ZCWPW1: variants seen among roughly 807,000 people sequenced by gnomAD.
The protein encoded by ZCWPW1 is zinc finger CW-type and PWWP domain containing 1.
Under a neutral mutation model 81.3 loss-of-function variants are expected in ZCWPW1, and 56 were observed. The observed-to-expected ratio is 0.69, with a 90% confidence interval of 0.56 to 0.86. The LOEUF (loss-of-function observed/expected upper bound fraction) is 0.86, where lower values mean the gene tolerates loss of function less well. Ranked by LOEUF, ZCWPW1 falls within the 40% of genes least tolerant of loss-of-function variation. The pLI, the probability that ZCWPW1 is intolerant of heterozygous loss-of-function variation, is 0.00. For synonymous variants in ZCWPW1, 250 were observed against 273.7 expected (o/e 0.91, Z 0.86); for missense variants, 650 against 769.8 (o/e 0.84, Z 1.84).
chr7:100,409,388 AC>A (rs748927261), intron 9 of ZCWPW1, 39 bp downstream of exon 9: 18 of 1,461,328 alleles, frequency 1.2e-5, no homozygotes, highest in Non-Finnish European at 1.6e-5. Context: ...AAAGGGAGGA[AC>A]AATAAAACAT....
At chr7:100,418,592 A>C (rs1236861738) in intron 5 of ZCWPW1, 1 of 152,434 alleles carries the variant, frequency 6.6e-6, no homozygotes, top group Non-Finnish European at 1.5e-5. Flanking sequence ...AGAGTTCGAG[A>C]CCAGCCTGGC....
chr7:100,421,547 T>C (rs866761457), intron 2 of ZCWPW1, among the ~76,000 whole-genome samples: 2 of 152,224 alleles, frequency 1.3e-5, no homozygotes, highest in East Asian at 1.9e-4. Flanking sequence ...TCAGAAGTAT[T>C]TGATAACCAG....
At chr7:100,426,467 G>C (rs1797354925) in intron 1 of ZCWPW1, among the ~76,000 whole-genome samples, 1 of 148,786 alleles carries the variant, frequency 6.7e-6, no homozygotes, top group Non-Finnish European at 1.5e-5. Context: ...ACTCCAGCCT[G>C]GGCAAAATGA....
At chr7:100,420,546 C>G in intron 3 of ZCWPW1, 76 bp downstream of exon 3, 1 of 1,584,228 alleles carries the variant, frequency 6.3e-7, no homozygotes, top group Non-Finnish European at 8.7e-7. Flanking sequence ...CCGTACCATC[C>G]TTTGGTGGAA....
At chr7:100,415,766 T>C (rs763587262) in intron 8 of ZCWPW1, among the ~76,000 whole-genome samples, 4 of 152,224 alleles carry the variant, frequency 2.6e-5, no homozygotes, top group Admixed American at 6.5e-5. Context: ...CTAAAATGCT[T>C]TGTACACAGT....
intron 13 of ZCWPW1, 119 bp from the exon 14 acceptor site, chr7:100,404,363 C>T (rs1228910011): frequency 2.1e-6 from 2 of 930,726 alleles, no homozygotes; most frequent in African/African-American, 3.3e-5. Context: ...CCAAAATTAT[C>T]ATTATTATTA....
chr7:100,421,072 C>T (rs1166598513), intron 2 of ZCWPW1, among the ~76,000 whole-genome samples: 2 of 152,182 alleles, frequency 1.3e-5, no homozygotes, highest in African/African-American at 2.4e-5. Context: ...ATCACTTGAG[C>T]CCAGGAGGCG....
intron 1 of ZCWPW1, among the ~76,000 whole-genome samples, chr7:100,426,275 C>T (rs1196526727): frequency 6.6e-6 from 1 of 152,172 alleles, no homozygotes; most frequent in Non-Finnish European, 1.5e-5. Context: ...AGGTGGATCA[C>T]CTAAGGTCAG....
intron 5 of ZCWPW1, among the ~76,000 whole-genome samples, chr7:100,417,872 GT>G (rs1268731750): frequency 1.3e-5 from 2 of 151,118 alleles, no homozygotes; most frequent in African/African-American, 4.9e-5. Context: ...TGGTTTTTTG[GT>G]TTTTGGTTTT....
At chr7:100,426,864 C>T (rs1308898701) in intron 1 of ZCWPW1, among the ~76,000 whole-genome samples, 2 of 61,000 alleles carry the variant, frequency 3.3e-5, no homozygotes. Flanking sequence ...CCTTCCTACC[C>T]CCCTCCCCCT....
rs944227334 is a variant in ZCWPW1, at chr7:100,413,805, C to T, written c.754+2170G>A. 3.9e-5 allele frequency among the ~76,000 whole-genome samples: 6 copies of T among 152,100 alleles called. No homozygotes were observed. The East Asian group carries it at 9.7e-4, about 24-fold the overall frequency. ...CGGGGGTCTCACTATGTTACCCAGG[C>T]TAGTCTGGACTCAAGCAAGCTTCCT... On this transcript the variant is annotated intron_variant, in intron 8 of 17. Transcript: ENST00000684423.
At chr7:100,404,660 T>C (rs1353969007) in intron 13 of ZCWPW1, among the ~76,000 whole-genome samples, 2 of 152,136 alleles carry the variant, frequency 1.3e-5, no homozygotes, top group African/African-American at 4.8e-5. Context: ...TGCCCAGCCC[T>C]CATTTTCCAT....
chr7:100,409,498 T>C lies in ZCWPW1; in HGVS notation c.801A>G (p.Lys267=). 1 of 1,614,124 alleles carries C rather than the reference T, an allele frequency of 6.2e-7. No homozygotes were observed. Among genetic ancestry groups the C allele is most frequent in the Non-Finnish European group, 8.5e-7 (1 of 1,179,998 alleles). ...CAATGTTCCCACACAGCCGCCTCCA[T>C]TTCCCACAGTTTGGGAAGGAACACT... is the stretch of plus-strand genomic sequence containing the variant. ...WVQCSFPNCG[K]WRRLCGNIDP... The change falls in exon 9 of 18, where the codon AAA becomes AAG. Residue 267 remains lysine, a synonymous_variant. Transcript: ENST00000684423.
Position 100,415,957 on chromosome 7 carries a change from C to CA in ZCWPW1, c.754+17dup. The CA allele has an allele frequency of 6.2e-7, 1 of 1,613,820 alleles. No individual in the cohort carries two copies. The highest frequency in any genetic ancestry group is 8.5e-7 in the Non-Finnish European group (1 of 1,179,934). On this transcript the variant is annotated intron_variant, in intron 8 of 17. Transcript: ENST00000684423. ...AAATTTTCAGGCCAAGTAGGTTTGC[C>CA]AAACCAGCTAAACTCACCAAAACCA...
chr7:100,408,577 T>C lies in ZCWPW1; in HGVS notation c.954A>G (p.Pro318=). 6.2e-7 allele frequency: 1 copy of C among 1,614,026 alleles called. No homozygotes were observed. Among genetic ancestry groups the C allele is most frequent in the Non-Finnish European group, 8.5e-7 (1 of 1,179,952 alleles). The change falls in exon 10 of 18, where the codon CCA becomes CCG. Residue 318 remains proline, a synonymous_variant. Transcript: ENST00000684423. ...ESDVAYASYI[P]GSIIWAKQYG... is the part of the protein sequence containing the mutation. Reference sequence around the variant, plus strand: ...ATTGCTTGGCCCAGATGATGGATCCTGGGATGTAGGAGGCATAGGCCACAT... The same window carrying C: ...ATTGCTTGGCCCAGATGATGGATCCCGGGATGTAGGAGGCATAGGCCACAT...
In ZCWPW1 at chr7:100,408,521, T is replaced by A. The variant is rs1793524560; in HGVS notation, c.992+18A>T. Reference sequence around the variant, plus strand: ...CCAAGTTTGTGAAGGATGCTCTGACTGTGTCATAATGCCCTACCAGGGGTA... The same window carrying A: ...CCAAGTTTGTGAAGGATGCTCTGACAGTGTCATAATGCCCTACCAGGGGTA... On this transcript the variant is annotated intron_variant, in intron 10 of 17. Coordinates refer to ENST00000684423, the MANE Select transcript of ZCWPW1 (RefSeq NM_001386010.1). 1.2e-6 allele frequency: 2 copies of A among 1,609,102 alleles called. No homozygotes were observed. The highest frequency in any genetic ancestry group is 8.5e-7 in the Non-Finnish European group (1 of 1,178,186).
chr7:100,405,116 A>G (rs754236803), intron 12 of ZCWPW1, 23 bp from the exon 13 acceptor site: 4 of 1,606,918 alleles, frequency 2.5e-6, no homozygotes, highest in Non-Finnish European at 3.4e-6. Flanking sequence ...ATTAGAGCCA[A>G]TGATAAATAT....
chr7:100,401,810 GGTTAAGAA>G, intron 17 of ZCWPW1, 71 bp downstream of exon 17: 6 of 1,506,720 alleles, frequency 4.0e-6, no homozygotes, highest in Non-Finnish European at 5.3e-6. Context: ...GCTGTAAAAT[GGTTAAGAA>G]ATGATTCAGG....
Position 100,419,821 on chromosome 7 carries a change from G to T in ZCWPW1, c.91C>A (p.Pro31Thr), listed in dbSNP as rs1796024285. Reference sequence around the variant, plus strand: ...TCCTTAGGGGAGTTAGGGCTACAAGGTAACAGGCTGTAAGATTTTTGTGCA... The same window carrying T: ...TCCTTAGGGGAGTTAGGGCTACAAGTTAACAGGCTGTAAGATTTTTGTGCA... ...PPAQKSYSLL[P>T]CSPNSPKEET... is the part of the protein sequence containing the mutation. Residue 31 changes from proline to threonine, a missense_variant, in exon 4 of 18, where the codon CCT becomes ACT. By Grantham distance (38) the Pro-to-Thr change is conservative. Transcript: ENST00000684423. The T allele has an allele frequency of 6.2e-7, 1 of 1,605,286 alleles. No individual in the cohort carries two copies. The highest frequency in any genetic ancestry group is 1.7e-5 in the Admixed American group (1 of 57,400).
Sources: gnomAD v4.1 joint callset for allele counts (sites outside exome capture counted in the v4.1 genomes callset) on GRCh38, gnomAD v4.1.1 for gene constraint, MANE v1.5 for transcripts, NCBI Gene and HGNC (gene_info 2026-07-23, HGNC 2026-07-21) for gene names.